The following AMN1 variants were observed in gnomAD, a reference collection of about 807,000 sequenced individuals.
AMN1 encodes the protein protein AMN1 homolog.
In AMN1, 20 loss-of-function variants were observed where a neutral mutation model predicts 33.0. The ratio of observed to expected loss-of-function variants is 0.61; its 90% CI spans 0.43 to 0.88. The LOEUF (loss-of-function observed/expected upper bound fraction) is 0.88, where lower values mean the gene tolerates loss of function less well. Among genes scored for constraint, AMN1 ranks in the 40% least tolerant of loss-of-function variants. The pLI is 0.00. For synonymous variants in AMN1, 114 were observed against 111.9 expected (o/e 1.02, Z -0.12); for missense variants, 246 against 307.4 (o/e 0.80, Z 1.49).
At chr12:31,715,203 A>G (rs1939623528) in intron 1 of AMN1, 1 of 153,802 alleles carries the variant, frequency 6.5e-6, no homozygotes, top group African/African-American at 2.4e-5. Flanking sequence ...ACAACATTGT[A>G]CAGGCTGGAT....
intron 6 of AMN1, among the ~76,000 whole-genome samples, chr12:31,678,775 A>G (rs1169234244): frequency 3.9e-5 from 6 of 152,192 alleles, no homozygotes; most frequent in Admixed American, 2.0e-4. Context: ...TAGAGAACAC[A>G]CAGTGAAAAA....
intron 5 of AMN1, among the ~76,000 whole-genome samples, chr12:31,689,668 CAT>C (rs1322025310): frequency 6.6e-6 from 1 of 152,164 alleles, no homozygotes; most frequent in East Asian, 1.9e-4. Flanking sequence ...AAAATAAAAA[CAT>C]ATGTCTACAC....
chr12:31,725,282 G>T (rs1242981807), intron 1 of AMN1, among the ~76,000 whole-genome samples: 1 of 152,170 alleles, frequency 6.6e-6, no homozygotes, highest in African/African-American at 2.4e-5. Flanking sequence ...AAAAAGTTAG[G>T]TTGACATAAG....
intron 6 of AMN1, among the ~76,000 whole-genome samples, chr12:31,674,854 A>G (rs1951353817): frequency 6.6e-6 from 1 of 151,306 alleles, no homozygotes. Flanking sequence ...CGTCTCTACT[A>G]AAAATACAAA....
intron 2 of AMN1, among the ~76,000 whole-genome samples, chr12:31,706,593 C>T (rs977662592): frequency 1.3e-5 from 2 of 151,516 alleles, no homozygotes; most frequent in East Asian, 3.8e-4. Context: ...GGAGTAGTAT[C>T]GAAGGAAATT....
chr12:31,684,834 A>C (rs1938181855), intron 6 of AMN1, among the ~76,000 whole-genome samples: 1 of 152,094 alleles, frequency 6.6e-6, no homozygotes, highest in African/African-American at 2.4e-5. Flanking sequence ...AAATACTACC[A>C]GAAAGTATTA....
At chr12:31,673,786 G>GCATTATCAT (rs1951330702) in intron 6 of AMN1, 1 of 267,906 alleles carries the variant, frequency 3.7e-6, no homozygotes, top group African/African-American at 2.2e-5. Context: ...ATGACCAACT[G>GCATTATCAT]AGATTTATCA....
rs756442096 is a variant in AMN1 at position 31,719,107 on chromosome 12, A to G, written c.39-9682T>C. On this transcript the variant is annotated intron_variant, in intron 1 of 6. Coordinates refer to ENST00000281471, the MANE Select transcript of AMN1 (RefSeq NM_001113402.2). ...AGAGCTTCCCTTGACTAGGAAAGGG[A>G]AATCCCCCGACCCCTTGCACCCAGG... The G allele has an allele frequency of 1.1e-3, 174 of 152,424 alleles. 2 individuals are homozygous for G. Among genetic ancestry groups the G allele is most frequent in the Non-Finnish European group, 1.1e-3 (76 of 68,216 alleles). The allele number at this position is 152,424 out of a possible 1,614,324, so 9.4% of individuals were successfully genotyped here. A position where few individuals can be genotyped will look rare whatever the true frequency, so the allele number is the denominator to read the frequency against.
At chr12:31,699,418 A>AAAAAG (rs1555187641) in intron 3 of AMN1, among the ~76,000 whole-genome samples, 2 of 149,380 alleles carry the variant, frequency 1.3e-5, no homozygotes, top group Non-Finnish European at 3.0e-5. Context: ...AAAAAAAAAA[A>AAAAAG]AAAGAAAGAA....
chr12:31,704,004 A>G (rs911710358), intron 2 of AMN1, among the ~76,000 whole-genome samples: 1 of 152,224 alleles, frequency 6.6e-6, no homozygotes, highest in Non-Finnish European at 1.5e-5. Context: ...AACATATGCT[A>G]TATATAACTA....
intron 6 of AMN1, among the ~76,000 whole-genome samples, chr12:31,684,442 T>C (rs2139664444): frequency 6.6e-6 from 1 of 151,932 alleles, no homozygotes; most frequent in African/African-American, 2.4e-5. Flanking sequence ...CAAATATACA[T>C]AAACAAAAAC....
intron 1 of AMN1, among the ~76,000 whole-genome samples, chr12:31,710,715 C>T (rs546972780): frequency 8.3e-4 from 127 of 152,270 alleles, no homozygotes; most frequent in African/African-American, 2.9e-3. Flanking sequence ...AGTACTGATT[C>T]TCCCTTAATG....
In AMN1 at chr12:31,687,986, C is replaced by T. The variant is rs1744426028; in HGVS notation, c.703+1021G>A. On this transcript the variant is annotated intron_variant, in intron 6 of 6. Transcript: ENST00000281471. The surrounding 1 kb of genome is among the most constrained non-coding windows in gnomAD (Gnocchi z 4.1). ...TTTGTTTGTTTGAGACGGAGTTTCG[C>T]TCTTGTTGCCCAGGCTGGAATGCAA... is the stretch of plus-strand genomic sequence containing the variant. Among the ~76,000 whole-genome samples the T allele has an allele frequency of 6.6e-6, 1 of 152,108 alleles. No individual in the cohort carries two copies.
chr12:31,679,139 C>T (rs1327179200), intron 6 of AMN1, among the ~76,000 whole-genome samples: 2 of 151,912 alleles, frequency 1.3e-5, no homozygotes, highest in African/African-American at 4.8e-5. Context: ...GAAACCCCGT[C>T]TCTATTTATA....
At chr12:31,712,444 C>T (rs1939503848) in intron 1 of AMN1, among the ~76,000 whole-genome samples, 1 of 152,016 alleles carries the variant, frequency 6.6e-6, no homozygotes, top group African/African-American at 2.4e-5. Flanking sequence ...GACAGGGTTT[C>T]ACCATGTTGG....
chr12:31,700,199 A>T (rs2139692057), intron 3 of AMN1, among the ~76,000 whole-genome samples: 1 of 149,962 alleles, frequency 6.7e-6, no homozygotes, highest in South Asian at 2.1e-4. Flanking sequence ...CCTCGTCTCT[A>T]CTAAAAATAA....
intron 4 of AMN1, 113 bp from the exon 5 acceptor site, chr12:31,697,530 T>G: frequency 8.6e-7 from 1 of 1,165,336 alleles, no homozygotes; most frequent in Non-Finnish European, 1.3e-6. Context: ...TCATCAAACA[T>G]GTGTTTTAGC....
chr12:31,720,563 C>T (rs1021690254), intron 1 of AMN1, among the ~76,000 whole-genome samples: 3 of 151,266 alleles, frequency 2.0e-5, no homozygotes, highest in Admixed American at 6.6e-5. Flanking sequence ...AAAAGTCAAT[C>T]CCCATTCCTC....
In AMN1 at chr12:31,694,766, GTCCTTCAGTT is replaced by G. The variant is rs570469660; in HGVS notation, c.591+2585_591+2594del. ...GTCTCAAAAAACAAAATTTAAGTTT[GTCCTTCAGTT>G]TGAGTCAGAGGATGCTATAAACCAA... On this transcript the variant is annotated intron_variant, in intron 5 of 6. Coordinates refer to ENST00000281471, the MANE Select transcript of AMN1 (RefSeq NM_001113402.2). 5.9e-4 allele frequency among the ~76,000 whole-genome samples: 90 copies of G among 152,110 alleles called. 1 individual carries two copies. The highest frequency in any genetic ancestry group is 1.2e-3 in the Non-Finnish European group (81 of 67,992).
Sources: allele counts gnomAD v4.1 joint callset (sites outside exome capture counted in the v4.1 genomes callset), GRCh38; gene constraint gnomAD v4.1.1; non-coding constraint Gnocchi (gnomAD v3.1); transcripts MANE v1.5; gene names NCBI Gene and HGNC (gene_info 2026-07-23, HGNC 2026-07-21).